The following CCDC33 variants were observed in gnomAD, a reference collection of about 807,000 sequenced individuals.
CCDC33 encodes coiled-coil domain containing 33.
A neutral mutation model predicts 91.9 loss-of-function variants in CCDC33; 94 were observed. The ratio of observed to expected loss-of-function variants is 1.02; its 90% confidence interval spans 0.87 to 1.21. The LOEUF is 1.21. Ranked by LOEUF, CCDC33 falls within the 50% of genes most tolerant of loss-of-function variation. The pLI is 0.00. For synonymous variants in CCDC33, 396 were observed against 374.5 expected, an observed-to-expected ratio of 1.06 and a Z score of -0.66; for missense variants, 940 against 935.5, an observed-to-expected ratio of 1.00 and a Z score of -0.06.
rs1455448549 is a variant in CCDC33 at position 74,316,935 on chromosome 15, C to T, written c.1291-13254C>T. Among the ~76,000 whole-genome samples the T allele has an allele frequency of 6.6e-6, 1 of 152,200 alleles. No homozygotes were observed. Among genetic ancestry groups the T allele is most frequent in the Non-Finnish European group, 1.5e-5 (1 of 68,032 alleles). ...TGACCTGTCCAAAGTCACACAGCTG[C>T]TTAGTAACAGAGCCCACTATCTTTC... On this transcript the variant is annotated intron_variant, in intron 11 of 18. Transcript: ENST00000398814. The surrounding 1 kb of genome is among the most constrained non-coding windows in gnomAD (Gnocchi z 4.7).
chr15:74,334,054 C>T lies in CCDC33; in HGVS notation c.2025+87C>T, dbSNP rs776536155. The T allele has an allele frequency of 1.4e-5, 16 of 1,179,612 alleles. No individual in the cohort carries two copies. The East Asian group carries it at 3.5e-4, about 26-fold the overall frequency. The allele number at this position is 1,179,612 out of a possible 1,614,324, so 73.1% of individuals were successfully genotyped here. A position where few individuals can be genotyped will look rare whatever the true frequency, so the allele number is the denominator to read the frequency against. On this transcript the variant is annotated intron_variant, in intron 17 of 18. Coordinates refer to ENST00000398814, the MANE Select transcript of CCDC33 (RefSeq NM_025055.5). ...GCTCAGTGTGTGAGCAGAGTCTAGG[C>T]TCAATCTATGACCAGGATCAAGGCT...
chr15:74,222,903 C>T (rs113426542), intron 2 of CCDC33, among the ~76,000 whole-genome samples: 3 of 151,728 alleles, frequency 2.0e-5, no homozygotes, highest in Non-Finnish European at 4.4e-5. Flanking sequence ...CCAAGCACTC[C>T]GTCCTCACTC....
intron 2 of CCDC33, among the ~76,000 whole-genome samples, chr15:74,221,965 C>T (rs1356065183): frequency 6.6e-6 from 1 of 152,152 alleles, no homozygotes; most frequent in Non-Finnish European, 1.5e-5. Context: ...GTTCATCAGA[C>T]CAGATGAGGG....
At chr15:74,264,506 G>A (rs2076115579) in intron 3 of CCDC33, among the ~76,000 whole-genome samples, 1 of 152,144 alleles carries the variant, frequency 6.6e-6, no homozygotes, top group East Asian at 1.9e-4. Context: ...AATAGCGGGT[G>A]GGGAAAATGT....
intron 1 of CCDC33, among the ~76,000 whole-genome samples, chr15:74,204,519 C>T (rs2074211899): frequency 6.6e-6 from 1 of 152,242 alleles, no homozygotes; most frequent in Admixed American, 6.5e-5. Context: ...CCTTAGGGAG[C>T]AGCCAACTCC....
At chr15:74,256,191 T>G (rs1344177768) in intron 2 of CCDC33, among the ~76,000 whole-genome samples, 1 of 152,156 alleles carries the variant, frequency 6.6e-6, no homozygotes, top group Non-Finnish European at 1.5e-5. Flanking sequence ...CCATCCAGGC[T>G]CCAGTCGCCA....
chr15:74,286,347 T>C (rs1596031649), intron 10 of CCDC33, among the ~76,000 whole-genome samples: 1 of 152,244 alleles, frequency 6.6e-6, no homozygotes, highest in East Asian at 1.9e-4. Flanking sequence ...TCCTCTGATC[T>C]CAGCCTCTTC....
At chr15:74,333,818 C>T in intron 16 of CCDC33, 63 bp from the exon 17 acceptor site, 1 of 1,391,160 alleles carries the variant, frequency 7.2e-7, no homozygotes, top group Non-Finnish European at 1.0e-6. Context: ...CTTATGGTTT[C>T]CCAAGCTCAC....
At chr15:74,332,645 C>T in intron 15 of CCDC33, 34 bp from the exon 16 acceptor site, 1 of 1,606,424 alleles carries the variant, frequency 6.2e-7, no homozygotes, top group South Asian at 1.1e-5. Flanking sequence ...AGCAGGAGAG[C>T]CCATCTCACC....
At chr15:74,214,297 G>A (rs753795112), upstream of CCDC33, among the ~76,000 whole-genome samples, 1 of 152,090 alleles carries the variant, frequency 6.6e-6, no homozygotes, top group Non-Finnish European at 1.5e-5. Context: ...GGTCTTTCAC[G>A]CTGGGACTTT....
rs752405716 is a variant in CCDC33, at chr15:74,218,746, G to C, written c.560G>C (p.Ser187Thr). Residue 187 changes from serine to threonine, a missense_variant, in exon 2 of 3, where the codon AGT becomes ACT. By Grantham distance (58) the Ser-to-Thr change is moderately conservative. Coordinates refer to the CCDC33 transcript ENST00000635913. This position sits in a 1 kb window ranked among gnomAD's most constrained non-coding sequence, Gnocchi z 4.8. The stretch of plus-strand genomic sequence containing the variant: ...CGACACTGTGGGAGCCTGGCCTACA[G>C]TGTGGCCTTCCACGTCCACCGGGGC... The C allele has an allele frequency of 1.2e-5, 16 of 1,289,660 alleles. No individual in the cohort carries two copies. The highest frequency in any genetic ancestry group is 7.4e-5 in the South Asian group (6 of 81,022). 79.9% of individuals were successfully genotyped at this position (1,289,660 alleles called of 1,614,324 possible). A position where few individuals can be genotyped will look rare whatever the true frequency, so the allele number is the denominator to read the frequency against.
intron 1 of CCDC33, among the ~76,000 whole-genome samples, chr15:74,238,084 C>T (rs572214403): frequency 4.6e-5 from 7 of 152,102 alleles, no homozygotes; most frequent in African/African-American, 9.6e-5. Context: ...GCCGAGATCA[C>T]GCCACTGCCC....
At chr15:74,272,239 C>T (rs1595995751) in intron 6 of CCDC33, among the ~76,000 whole-genome samples, 1 of 152,046 alleles carries the variant, frequency 6.6e-6, no homozygotes, top group Admixed American at 6.5e-5. Context: ...CAGTGGTTGG[C>T]CCCAAAGGCC....
chr15:74,203,551 T>G (rs1222151867), intron 1 of CCDC33, among the ~76,000 whole-genome samples: 1 of 152,274 alleles, frequency 6.6e-6, no homozygotes, highest in Non-Finnish European at 1.5e-5. Context: ...TACAAGGGGC[T>G]TCGGCTTGGA....
chr15:74,222,965 G>T (rs16966903), intron 2 of CCDC33, among the ~76,000 whole-genome samples: 55,131 of 151,396 alleles, frequency 0.36, 10,575 homozygotes, highest in South Asian at 0.56. Context: ...TATTGCTCGC[G>T]ATTGCATACA....
chr15:74,286,555 A>G lies in CCDC33; in HGVS notation c.1095+4706A>G, dbSNP rs2059478513. Among the ~76,000 whole-genome samples, 3 of 152,168 alleles carry G rather than the reference A, an allele frequency of 2.0e-5. No homozygotes were observed. In the South Asian group the frequency reaches 6.2e-4, roughly 32 times the overall value. ...GTGGATTGGAGCCTGGCATGCACAC[A>G]GTAGGTGCTCACTGCATCAGTTCCT... On this transcript the variant is annotated intron_variant, in intron 10 of 18. Coordinates refer to ENST00000398814, the MANE Select transcript of CCDC33 (RefSeq NM_025055.5).
chr15:74,330,323 G>A lies in CCDC33; in HGVS notation c.1425G>A (p.Gly475=), dbSNP rs2060403073. The A allele has an allele frequency of 6.2e-7, 1 of 1,608,120 alleles. No individual in the cohort carries two copies. The highest frequency in any genetic ancestry group is 8.5e-7 in the Non-Finnish European group (1 of 1,178,076). Residue 475 remains glycine, a synonymous_variant, in exon 12 of 19, where the codon GGG becomes GGA. Transcript: ENST00000398814. ...SRLAQQEEEE[G]QGKASEAQNT... is the part of the protein sequence containing the mutation. Reference sequence around the variant, plus strand: ...TGGCCCAGCAGGAGGAGGAAGAGGGGCAGGGCAAAGCCAGTGAGGCCCAGA... The same window carrying A: ...TGGCCCAGCAGGAGGAGGAAGAGGGACAGGGCAAAGCCAGTGAGGCCCAGA...
intron 11 of CCDC33, among the ~76,000 whole-genome samples, chr15:74,296,532 G>A (rs4887129): frequency 0.21 from 31,346 of 152,090 alleles, 3,605 homozygotes; most frequent in South Asian, 0.32. Flanking sequence ...AGGCTGAGGC[G>A]GGAGAATCAC....
upstream of CCDC33, among the ~76,000 whole-genome samples, chr15:74,234,079 C>A (rs183714740): frequency 6.6e-6 from 1 of 152,302 alleles, no homozygotes; most frequent in Non-Finnish European, 1.5e-5. Context: ...TGACTATGAG[C>A]CACATCTGTC....
Sources: allele counts gnomAD v4.1 joint callset (sites outside exome capture counted in the v4.1 genomes callset), GRCh38; gene constraint gnomAD v4.1.1; non-coding constraint Gnocchi (gnomAD v3.1); transcripts MANE v1.5; gene names NCBI Gene and HGNC (gene_info 2026-07-23, HGNC 2026-07-21).